Variants in DDX54 observed in about 807,000 individuals in gnomAD.
DDX54 encodes DEAD-box helicase 54, also known as ATP-dependent RNA helicase DDX54.
In DDX54, 67 loss-of-function variants were observed where a neutral mutation model predicts 105.5. The observed-to-expected ratio is 0.64, with a 90% CI of 0.52 to 0.78. The LOEUF (loss-of-function observed/expected upper bound fraction) is 0.78. DDX54 is among the 30% of genes least tolerant of loss of function. DDX54 has a pLI of 0.00. For synonymous variants in DDX54, 514 were observed against 509.9 expected, an observed-to-expected ratio of 1.01 and a Z score of -0.11; for missense variants, 1,206 against 1,230.5, an observed-to-expected ratio of 0.98 and a Z score of 0.30.
intron 1 of DDX54, 31 bp from the exon 2 acceptor site, chr12:113,181,089 C>T (rs1593009749): frequency 1.3e-6 from 2 of 1,599,160 alleles, no homozygotes; most frequent in African/African-American, 1.3e-5. Context: ...GGTGGTGTCA[C>T]TCCAGGCACA....
intron 1 of DDX54, among the ~76,000 whole-genome samples, chr12:113,182,854 G>A (rs1952482415): frequency 6.6e-6 from 1 of 150,644 alleles, no homozygotes; most frequent in Non-Finnish European, 1.5e-5. Flanking sequence ...ACCACGCCCA[G>A]CCTCCTTTGG....
intron 10 of DDX54, 82 bp downstream of exon 10, chr12:113,174,558 T>G (rs899965580): frequency 6.5e-7 from 1 of 1,541,742 alleles, no homozygotes; most frequent in African/African-American, 1.4e-5. Flanking sequence ...GCTCTCGTGC[T>G]GCCCTCTAGT....
At chr12:113,178,946 G>A in intron 5 of DDX54, 31 bp downstream of exon 5, 1 of 1,613,046 alleles carries the variant, frequency 6.2e-7, no homozygotes, top group Non-Finnish European at 8.5e-7. Context: ...CTGCATGGTG[G>A]TGACCCTGGC....
chr12:113,161,461 GAGTT>G, intron 18 of DDX54, 79 bp from the exon 19 acceptor site: 4 of 1,168,180 alleles, frequency 3.4e-6, no homozygotes, highest in Non-Finnish European at 4.9e-6. Context: ...CCAGCAGACA[GAGTT>G]CCGTTATCCC....
Position 113,181,055 on chromosome 12 carries a change from C to T in DDX54, c.178G>A (p.Gly60Arg), listed in dbSNP as rs776347461. The change falls in exon 2 of 20, where the codon GGA becomes AGA. Residue 60 changes from glycine (G) to arginine (R), a missense_variant. This residue lies in a region of DDX54 where 212 missense variants were observed against 155.4 expected (regional missense o/e 1.36). Transcript: ENST00000306014. ...AEDDARARKL[G>R]PGRPLPTFPT... ...AAGGTGGGCAGGGGTCTTCCAGGTC[C>T]CAGCTGGGAGGGAAGGACAGAGAGG... 1.1e-5 allele frequency: 18 copies of T among 1,611,054 alleles called. No individual in the cohort carries two copies. Among genetic ancestry groups the T allele is most frequent in the Non-Finnish European group, 1.5e-5 (18 of 1,178,888 alleles).
intron 1 of DDX54, among the ~76,000 whole-genome samples, chr12:113,184,246 TA>T (rs1237024228): frequency 6.6e-6 from 1 of 152,044 alleles, no homozygotes; most frequent in Non-Finnish European, 1.5e-5. Flanking sequence ...GCGGCCATCC[TA>T]ATTTTTTAAT....
chr12:113,158,993 G>A lies in DDX54; in HGVS notation c.2530C>T (p.Arg844Cys), dbSNP rs140154334. 245 of 1,611,336 alleles carry A rather than the reference G, an allele frequency of 1.5e-4. No individual in the cohort carries two copies. Among genetic ancestry groups the A allele is most frequent in the Non-Finnish European group, 2.0e-4 (233 of 1,179,180 alleles). Residue 844 changes from arginine (R) to cysteine (C), a missense_variant, in exon 20 of 20, where the codon CGT (arginine) becomes TGT (cysteine). By Grantham distance (180) the Arg-to-Cys change is radical (BLOSUM62 -3). Transcript: ENST00000306014. The surrounding 1 kb of genome is among the most constrained non-coding windows in gnomAD (Gnocchi z 4.9). Reference protein sequence around the residue: ...RRAQKLHFLQRGGLKQLSARN... With the variant: ...RRAQKLHFLQCGGLKQLSARN... ...GCAGAGAGCTGCTTGAGGCCACCAC[G>A]CTGCAGGAAGTGCAGCTTCTGGGCC...
At chr12:113,178,194 G>A (rs1387737348) in intron 5 of DDX54, among the ~76,000 whole-genome samples, 1 of 152,134 alleles carries the variant, frequency 6.6e-6, no homozygotes, top group Non-Finnish European at 1.5e-5. Flanking sequence ...CTGTGATTGC[G>A]CCACTGTACT....
At chr12:113,176,290 G>A (rs914912889) in intron 7 of DDX54, among the ~76,000 whole-genome samples, 8 of 152,168 alleles carry the variant, frequency 5.3e-5, no homozygotes, top group African/African-American at 7.2e-5. Context: ...GTTAGGGGCC[G>A]GGTGCTGTGG....
At chr12:113,184,628 C>G (rs553652975) in intron 1 of DDX54, among the ~76,000 whole-genome samples, 272 of 152,134 alleles carry the variant, frequency 1.8e-3, no homozygotes, top group Non-Finnish European at 2.8e-3. Context: ...AGTTCGAGAC[C>G]ATCCTGGGCA....
chr12:113,175,308 C>G (rs896701293), intron 7 of DDX54, 151 bp from the exon 8 acceptor site: 4 of 1,117,648 alleles, frequency 3.6e-6, no homozygotes, highest in South Asian at 1.7e-5. Flanking sequence ...TGACTTCATC[C>G]TAAACAACAA....
rs747946580 is a variant in DDX54 at position 113,179,009 on chromosome 12, G to A, written c.582C>T (p.Gly194=). ...CACCCAGGATCAGGGCAGTCTTGAG[G>A]CCAGTGAACTTGCCTAGCTGAGAAG... The part of the protein sequence containing the change: ...KFTKELGKFT[G]LKTALILGGD... Residue 194 remains glycine, a synonymous_variant, in exon 5 of 20, where the codon GGC becomes GGT. Transcript: ENST00000306014. 3 of 1,614,176 alleles carry A rather than the reference G, an allele frequency of 1.9e-6. No individual in the cohort carries two copies. The highest frequency in any genetic ancestry group is 2.5e-6 in the Non-Finnish European group (3 of 1,180,018).
At chr12:113,169,348 C>G (rs945222691) in intron 12 of DDX54, among the ~76,000 whole-genome samples, 3 of 151,836 alleles carry the variant, frequency 2.0e-5, no homozygotes, top group African/African-American at 7.3e-5. Flanking sequence ...ATCAGCCGGG[C>G]GCAGTGACTC....
intron 19 of DDX54, among the ~76,000 whole-genome samples, chr12:113,160,291 C>G (rs2136312138): frequency 6.6e-6 from 1 of 152,208 alleles, no homozygotes; most frequent in Middle Eastern, 3.4e-3. Flanking sequence ...GGGACACAAG[C>G]AGGGGCTAAG....
Position 113,174,717 on chromosome 12 carries a change from G to T in DDX54, c.991C>A (p.Leu331Met). The change falls in exon 10 of 20, where the codon CTG (leucine) becomes ATG (methionine). Residue 331 changes from leucine (L) to methionine (M), a missense_variant. Around this residue, in one of 3 missense-constraint regions of DDX54, gnomAD observed 961 missense variants for 1,019.1 expected, o/e 0.94. Transcript: ENST00000306014. ...TCCTGGGGCCGCACCACGTTGTGCA[G>T]CAGGTGGAGCAGCACGGCAGCCTTG... Reference protein sequence around the residue: ...DTKAAVLLHLLHNVVRPQDQT... With the variant: ...DTKAAVLLHLMHNVVRPQDQT... 1 of 1,609,064 alleles carries T rather than the reference G, an allele frequency of 6.2e-7. No homozygotes were observed. Among genetic ancestry groups the T allele is most frequent in the Non-Finnish European group, 8.5e-7 (1 of 1,175,736 alleles).
Position 113,158,321 on chromosome 12 carries a change from G to C in DDX54, c.*556C>G, listed in dbSNP as rs116549357. 1.3e-5 allele frequency: 2 copies of C among 153,198 alleles called. No homozygotes were observed. The highest frequency in any genetic ancestry group is 3.8e-4 in the East Asian group (2 of 5,208). The allele number at this position is 153,198 out of a possible 1,614,324, so 9.5% of individuals were successfully genotyped here. On this transcript the variant is annotated 3_prime_UTR_variant, in exon 20 of 20. Coordinates refer to ENST00000306014, the MANE Select transcript of DDX54 (RefSeq NM_024072.4). The surrounding 1 kb of genome is among the most constrained non-coding windows in gnomAD (Gnocchi z 4.9). ...GTGGGAGGAAGGGGGACCAACTCCC[G>C]CCTCTGGCACCTGGTTTGTGCTCTG...
chr12:113,158,785 A>C lies in DDX54; in HGVS notation c.*92T>G. On this transcript the variant is annotated 3_prime_UTR_variant, in exon 20 of 20. Coordinates refer to ENST00000306014, the MANE Select transcript of DDX54 (RefSeq NM_024072.4). This position sits in a 1 kb window ranked among gnomAD's most constrained non-coding sequence, Gnocchi z 4.9. Reference sequence around the variant, plus strand: ...CCTGCAGGGAGTGCCCCCAGTGCCCAGCACAGGGCCAGGCACACAGTGGTG... The same window carrying C: ...CCTGCAGGGAGTGCCCCCAGTGCCCCGCACAGGGCCAGGCACACAGTGGTG... The C allele has an allele frequency of 1.5e-6, 2 of 1,367,570 alleles. No homozygotes were observed. The highest frequency in any genetic ancestry group is 3.0e-5 in the South Asian group (2 of 66,798). 84.7% of individuals were successfully genotyped at this position (1,367,570 alleles called of 1,614,324 possible). A position where few individuals can be genotyped will look rare whatever the true frequency, so the allele number is the denominator to read the frequency against.
At chr12:113,159,310 G>A (rs1368424861) in intron 19 of DDX54, 19 of 582,694 alleles carry the variant, frequency 3.3e-5, no homozygotes. Context: ...CAGAACCGCT[G>A]GGGTTCAAAT....
chr12:113,177,267 G>C (rs1952415348), intron 5 of DDX54, 174 bp from the exon 6 acceptor site: 1 of 650,214 alleles, frequency 1.5e-6, no homozygotes, highest in East Asian at 2.7e-5. Flanking sequence ...CCTGACAAGA[G>C]ATACAAGCTG....
Sources: allele counts gnomAD v4.1 joint callset (sites outside exome capture counted in the v4.1 genomes callset), GRCh38; gene constraint gnomAD v4.1.1; regional missense constraint gnomAD v4.1.1; non-coding constraint Gnocchi (gnomAD v3.1); transcripts MANE v1.5; gene names NCBI Gene and HGNC (gene_info 2026-07-23, HGNC 2026-07-21).